PLEKHH2: variants seen among roughly 807,000 people sequenced by gnomAD.
PLEKHH2 encodes pleckstrin homology domain-containing family H member 2.
In PLEKHH2, 129 loss-of-function variants were observed where a neutral mutation model predicts 187.9. That is an observed-to-expected ratio of 0.69 (90% CI 0.59 to 0.79). The LOEUF (loss-of-function observed/expected upper bound fraction) is 0.79. Ranked by LOEUF, PLEKHH2 falls within the 30% of genes least tolerant of loss-of-function variation. The probability of loss-of-function intolerance (pLI) is 0.00; values close to 1 mark genes in which losing one functional copy is unlikely to be tolerated. For synonymous variants in PLEKHH2, 686 were observed against 605.6 expected (o/e 1.13, Z -1.95); for missense variants, 2,076 against 1,751.2 (o/e 1.19, Z -3.31).
At chr2:43,754,429 T>C (rs10172382) in intron 25 of PLEKHH2, among the ~76,000 whole-genome samples, 2,997 of 151,960 alleles carry the variant, frequency 0.02, 91 homozygotes, top group African/African-American at 0.069. Context: ...AAGGGCATGC[T>C]CTCCCGCACT....
At chr2:43,697,574 C>T (rs534299302) in intron 7 of PLEKHH2, among the ~76,000 whole-genome samples, 5 of 152,112 alleles carry the variant, frequency 3.3e-5, no homozygotes, top group Admixed American at 6.5e-5. Flanking sequence ...ATTTTTCCTT[C>T]GTAATATATT....
At chr2:43,743,068 T>A in intron 22 of PLEKHH2, 150 bp downstream of exon 22, 1 of 583,422 alleles carries the variant, frequency 1.7e-6, no homozygotes, top group Non-Finnish European at 2.6e-6. Flanking sequence ...AGCTGAGTTT[T>A]GAAACAGTTT....
chr2:43,701,707 A>G (rs1243950070), intron 8 of PLEKHH2, among the ~76,000 whole-genome samples: 2 of 134,214 alleles, frequency 1.5e-5, no homozygotes, highest in Admixed American at 7.4e-5. Context: ...CTGCTAGACT[A>G]AAAAAAAAAA....
At chr2:43,714,206 G>A (rs1670104260) in intron 15 of PLEKHH2, among the ~76,000 whole-genome samples, 1 of 152,108 alleles carries the variant, frequency 6.6e-6, no homozygotes, top group African/African-American at 2.4e-5. Flanking sequence ...CCCACAATTA[G>A]GATTTTGTTT....
At chr2:43,706,460 G>C in intron 10 of PLEKHH2, 44 bp downstream of exon 10, 2 of 1,331,880 alleles carry the variant, frequency 1.5e-6, no homozygotes, top group South Asian at 1.2e-5. Flanking sequence ...TTCTCTTCAT[G>C]ATGGATCAAG....
At chr2:43,746,540 ACACACACACACG>A (rs1401721505) in intron 24 of PLEKHH2, among the ~76,000 whole-genome samples, 4 of 151,986 alleles carry the variant, frequency 2.6e-5, no homozygotes, top group African/African-American at 7.3e-5. Context: ...AAATACACAC[ACACACACACACG>A]CACACAATCA....
rs370925278 is a variant in PLEKHH2 at position 43,675,584 on chromosome 2, G to T, written c.124-3279G>T. On this transcript the variant is annotated intron_variant, in intron 2 of 29. Transcript: ENST00000282406. Reference sequence around the variant, plus strand: ...GCCTCTTCAATAAGCTGTGCGATTGGTTTTGTATTAAATACATCTCTTCCT... The same window carrying T: ...GCCTCTTCAATAAGCTGTGCGATTGTTTTTGTATTAAATACATCTCTTCCT... 183 of 1,613,640 alleles carry T rather than the reference G, an allele frequency of 1.1e-4. 1 individual carries two copies. The highest frequency in any genetic ancestry group is 9.9e-4 in the Middle Eastern group (6 of 6,060).
intron 17 of PLEKHH2, 82 bp from the exon 18 acceptor site, chr2:43,729,555 T>G (rs1670935822): frequency 1.1e-6 from 1 of 890,498 alleles, no homozygotes; most frequent in African/African-American, 1.7e-5. Context: ...ATCTCAAAGT[T>G]TTCTACTGTT....
chr2:43,678,782 A>T (rs1252908889), intron 2 of PLEKHH2, 81 bp from the exon 3 acceptor site: 5 of 784,320 alleles, frequency 6.4e-6, no homozygotes, highest in Non-Finnish European at 1.0e-5. Context: ...AGGTAGAATT[A>T]TGAGATTTTT....
At chr2:43,668,077 G>C (rs570228926) in intron 2 of PLEKHH2, among the ~76,000 whole-genome samples, 1 of 152,192 alleles carries the variant, frequency 6.6e-6, no homozygotes, top group East Asian at 1.9e-4. Context: ...CTGTCACCCT[G>C]GCTGGAATGC....
chr2:43,694,587 G>C, intron 5 of PLEKHH2, 73 bp downstream of exon 5: 1 of 1,417,328 alleles, frequency 7.1e-7, no homozygotes, highest in Non-Finnish European at 9.4e-7. Flanking sequence ...CAGAATATGT[G>C]ATTACTCTGA....
chr2:43,694,058 G>A (rs1668965671), intron 4 of PLEKHH2, among the ~76,000 whole-genome samples: 2 of 151,832 alleles, frequency 1.3e-5, no homozygotes, highest in Admixed American at 6.6e-5. Context: ...TAGTATTTGA[G>A]GGGAAAAAAA....
chr2:43,750,506 C>T (rs999087045), intron 24 of PLEKHH2, among the ~76,000 whole-genome samples: 1 of 151,742 alleles, frequency 6.6e-6, no homozygotes, highest in Non-Finnish European at 1.5e-5. Flanking sequence ...GAGAGAGAGA[C>T]TCTCATGATT....
intron 2 of PLEKHH2, among the ~76,000 whole-genome samples, chr2:43,654,644 G>A (rs575265481): frequency 4.0e-4 from 59 of 149,074 alleles, no homozygotes; most frequent in African/African-American, 4.0e-4. Context: ...TTGGAAGGCC[G>A]AGATGGGAGG....
chr2:43,713,883 T>C (rs536022586), intron 15 of PLEKHH2, among the ~76,000 whole-genome samples: 49 of 152,286 alleles, frequency 3.2e-4, no homozygotes, highest in Non-Finnish European at 2.8e-4. Flanking sequence ...TAGGTGGGTG[T>C]TATTCCATAA....
At chr2:43,651,398 T>C (rs956475698) in intron 2 of PLEKHH2, among the ~76,000 whole-genome samples, 1 of 152,214 alleles carries the variant, frequency 6.6e-6, no homozygotes, top group African/African-American at 2.4e-5. Context: ...CTCTTGGTTA[T>C]ATTTCTATCC....
At position 43,699,949 on chromosome 2, in the gene PLEKHH2, G is replaced by A. The variant is rs1328548719; in HGVS notation, c.991G>A (p.Asp331Asn). Residue 331 changes from aspartate to asparagine, a missense_variant, in exon 8 of 30, where the codon GAC (aspartate) becomes AAC (asparagine). Physicochemically the swap from Asp to Asn is conservative, Grantham distance 23. Transcript: ENST00000282406. Reference protein sequence around the residue: ...GSEMYLTASDDSSSIFEEETF... With the variant: ...GSEMYLTASDNSSSIFEEETF... ...TGAAATGTATCTGACAGCATCTGAT[G>A]ACAGCAGCTCTATATTTGAGGAAGA... The A allele has an allele frequency of 6.2e-7, 1 of 1,614,170 alleles. No individual in the cohort carries two copies. Among genetic ancestry groups the A allele is most frequent in the Non-Finnish European group, 8.5e-7 (1 of 1,180,012 alleles).
At chr2:43,657,374 A>G (rs1198957052) in intron 2 of PLEKHH2, among the ~76,000 whole-genome samples, 1 of 152,154 alleles carries the variant, frequency 6.6e-6, no homozygotes, top group Non-Finnish European at 1.5e-5. Flanking sequence ...CTCAGCTGGG[A>G]GTGGTGAAAC....
At chr2:43,697,449 T>C (rs1259359030) in intron 7 of PLEKHH2, 93 bp downstream of exon 7, 28 of 1,049,210 alleles carry the variant, frequency 2.7e-5, no homozygotes, top group Non-Finnish European at 3.6e-5. Context: ...ATTTTCCTTA[T>C]TTTTTTCTGA....
Sources: gnomAD v4.1 joint callset for allele counts (sites outside exome capture counted in the v4.1 genomes callset) on GRCh38, gnomAD v4.1.1 for gene constraint, MANE v1.5 for transcripts, NCBI Gene and HGNC (gene_info 2026-07-23, HGNC 2026-07-21) for gene names.